IDE: variants seen among roughly 807,000 people sequenced by gnomAD.
The protein encoded by IDE is insulin degrading enzyme.
Under a neutral mutation model 133.2 loss-of-function variants are expected in IDE, and 58 were observed. The ratio of observed to expected loss-of-function variants is 0.44; its 90% confidence interval spans 0.35 to 0.54. The LOEUF (loss-of-function observed/expected upper bound fraction) is 0.54. Among genes scored for constraint, IDE ranks in the 20% least tolerant of loss-of-function variants. The pLI is 0.00. For synonymous variants in IDE, 396 were observed against 421.3 expected, an observed-to-expected ratio of 0.94 and a Z score of 0.73; for missense variants, 981 against 1,234.0, an observed-to-expected ratio of 0.79 and a Z score of 3.07.
chr10:92,524,012 A>G (rs189059896), intron 4 of IDE, among the ~76,000 whole-genome samples: 1 of 152,122 alleles, frequency 6.6e-6, no homozygotes. Flanking sequence ...ATTGAGAGGC[A>G]AACAAAAAAA....
Position 92,574,073 on chromosome 10 carries a change from C to G in IDE, c.-54G>C. 2.1e-6 allele frequency: 3 copies of G among 1,402,464 alleles called. No individual in the cohort carries two copies. Among genetic ancestry groups the G allele is most frequent in the Non-Finnish European group, 2.9e-6 (3 of 1,047,138 alleles). The allele number at this position is 1,402,464 out of a possible 1,614,324, so 86.9% of individuals were successfully genotyped here. A position where few individuals can be genotyped will look rare whatever the true frequency, so the allele number is the denominator to read the frequency against. On this transcript the variant is annotated 5_prime_UTR_variant, in exon 1 of 25. Transcript: ENST00000265986. The stretch of plus-strand genomic sequence containing the variant: ...AAACGCTTCCTGCTTGCGCTTCGAG[C>G]CGGCCCTGCGCACTGCGCATGCTCT...
chr10:92,509,025 T>C (rs1347728364), intron 6 of IDE, 135 bp from the exon 7 acceptor site: 1 of 655,542 alleles, frequency 1.5e-6, no homozygotes. Context: ...AATGATACAC[T>C]GACCACAAAG....
chr10:92,543,136 C>G (rs1334463003), intron 1 of IDE, among the ~76,000 whole-genome samples: 1 of 152,176 alleles, frequency 6.6e-6, no homozygotes, highest in Non-Finnish European at 1.5e-5. Flanking sequence ...TAGTGAATTA[C>G]AAACCAAAAC....
intron 5 of IDE, among the ~76,000 whole-genome samples, chr10:92,512,720 C>T (rs1018335006): frequency 6.6e-6 from 1 of 152,148 alleles, no homozygotes; most frequent in Non-Finnish European, 1.5e-5. Context: ...ATCCATTTTA[C>T]ACCCTGGTTC....
intron 17 of IDE, among the ~76,000 whole-genome samples, chr10:92,474,040 G>A (rs1308448319): frequency 2.0e-5 from 3 of 151,916 alleles, no homozygotes; most frequent in African/African-American, 7.3e-5. Context: ...ACTTGGGTCA[G>A]AGCATTTAGT....
At chr10:92,474,591 A>C (rs1846148848) in intron 17 of IDE, 1 of 344,648 alleles carries the variant, frequency 2.9e-6, no homozygotes, top group Admixed American at 4.4e-5. Context: ...AAGCATATCC[A>C]TCATCTCAAG....
In IDE at chr10:92,524,445, T is replaced by TAATATATA. The variant is rs369893619; in HGVS notation, c.661+7302_661+7303insTATATATT. On this transcript the variant is annotated intron_variant, in intron 4 of 24. Transcript: ENST00000265986. ...TATATAATATATTTTATATAATATATTTTATATATTATATATTTTATATAA... is the reference window on the plus strand; with the variant it reads ...TATATAATATATTTTATATAATATATAATATATATTTATATATTATATATTTTATATAA... Among the ~76,000 whole-genome samples the TAATATATA allele has an allele frequency of 7.7e-3, 101 of 13,202 alleles. 14 individuals are homozygous for TAATATATA. Among genetic ancestry groups the TAATATATA allele is most frequent in the African/African-American group, 0.034 (94 of 2,728 alleles). The allele number at this position is 13,202 out of a possible 152,430, so 8.7% of individuals were successfully genotyped here.
intron 1 of IDE, among the ~76,000 whole-genome samples, chr10:92,571,099 C>T (rs190038292): frequency 6.6e-6 from 1 of 151,720 alleles, no homozygotes; most frequent in Non-Finnish European, 1.5e-5. Flanking sequence ...CCTGCCTCAG[C>T]CTCCCGGGTT....
At chr10:92,470,369 G>A (rs1042521408) in intron 17 of IDE, 24 bp from the exon 18 acceptor site, 2 of 1,484,254 alleles carry the variant, frequency 1.3e-6, no homozygotes, top group East Asian at 2.4e-5. Flanking sequence ...AGAAGACATA[G>A]TGAGCGCTAC....
At chr10:92,544,799 C>G (rs1306718425) in intron 1 of IDE, among the ~76,000 whole-genome samples, 1 of 152,120 alleles carries the variant, frequency 6.6e-6, no homozygotes, top group Non-Finnish European at 1.5e-5. Context: ...CCAAAGGAAT[C>G]CCTTAGCTAA....
chr10:92,548,446 T>C (rs983262178), intron 1 of IDE, among the ~76,000 whole-genome samples: 4 of 144,952 alleles, frequency 2.8e-5, no homozygotes, highest in Non-Finnish European at 4.5e-5. Flanking sequence ...TATAGTTGCA[T>C]CACACTCAGA....
At chr10:92,569,111 AG>A (rs1209865411) in intron 1 of IDE, among the ~76,000 whole-genome samples, 3 of 152,258 alleles carry the variant, frequency 2.0e-5, no homozygotes, top group Non-Finnish European at 2.9e-5. Context: ...CTGTATAACA[AG>A]GCCTAAAAAG....
chr10:92,553,480 A>T, intron 1 of IDE, among the ~76,000 whole-genome samples: 1 of 152,154 alleles, frequency 6.6e-6, no homozygotes, highest in East Asian at 1.9e-4. Context: ...AAGAAGAGAG[A>T]ATACCTCCAA....
At chr10:92,524,448 T>TTATATA in intron 4 of IDE, among the ~76,000 whole-genome samples, 1 of 10,530 alleles carries the variant, frequency 9.5e-5, no homozygotes, top group African/African-American at 5.9e-4. Context: ...TAATATATTT[T>TTATATA]ATATATTATA....
intron 14 of IDE, 23 bp from the exon 15 acceptor site, chr10:92,479,444 A>C (rs1846474742): frequency 1.3e-6 from 2 of 1,576,466 alleles, no homozygotes; most frequent in African/African-American, 1.3e-5. Context: ...GTTGACAGTA[A>C]AATAGCTGAT....
chr10:92,488,613 T>C (rs1434637363), intron 12 of IDE, among the ~76,000 whole-genome samples: 1 of 151,772 alleles, frequency 6.6e-6, no homozygotes, highest in Admixed American at 6.6e-5. Flanking sequence ...TCATATCTAT[T>C]AAAAATACAA....
At chr10:92,508,667 A>T (rs1296170046) in intron 7 of IDE, 61 bp downstream of exon 7, 2 of 1,495,026 alleles carry the variant, frequency 1.3e-6, no homozygotes, top group Admixed American at 1.7e-5. Flanking sequence ...TTCAGGAGAA[A>T]ATGAGAGCCA....
intron 13 of IDE, 77 bp downstream of exon 13, chr10:92,487,119 G>C: frequency 7.1e-7 from 1 of 1,405,806 alleles, no homozygotes; most frequent in South Asian, 1.3e-5. Flanking sequence ...AGTACCAAAT[G>C]TAAGAAATCA....
At chr10:92,539,879 A>G (rs536180816) in intron 1 of IDE, among the ~76,000 whole-genome samples, 9 of 152,328 alleles carry the variant, frequency 5.9e-5, no homozygotes, top group African/African-American at 2.2e-4. Context: ...GCGGTAAAAT[A>G]GTAATAATTC....
Sources: allele counts gnomAD v4.1 joint callset (sites outside exome capture counted in the v4.1 genomes callset), GRCh38; gene constraint gnomAD v4.1.1; transcripts MANE v1.5; gene names NCBI Gene and HGNC (gene_info 2026-07-23, HGNC 2026-07-21).